The following TULP4 variants were observed in gnomAD, a reference collection of about 807,000 sequenced individuals.
The protein encoded by TULP4 is TUB like protein 4.
TULP4 carries 16 observed loss-of-function variants against 129.0 expected under a neutral mutation model. The ratio of observed to expected loss-of-function variants is 0.12; its 90% CI spans 0.08 to 0.19. The LOEUF (loss-of-function observed/expected upper bound fraction) is 0.19, where lower values mean the gene tolerates loss of function less well. TULP4 is among the 10% of genes least tolerant of loss of function. The pLI is 1.00. For missense variants in TULP4, 1,842 were observed against 2,059.1 expected, an observed-to-expected ratio of 0.89 and a Z score of 2.04; for synonymous variants, 998 against 854.0, an observed-to-expected ratio of 1.17 and a Z score of -2.94.
At chr6:158,498,933 C>A in intron 12 of TULP4, 121 bp downstream of exon 12, 1 of 1,232,112 alleles carries the variant, frequency 8.1e-7, no homozygotes. Context: ...AAAGGTATCC[C>A]TGCCTCAGTA....
intron 1 of TULP4, among the ~76,000 whole-genome samples, chr6:158,258,833 C>T (rs1778297087): frequency 6.6e-6 from 1 of 151,920 alleles, no homozygotes; most frequent in East Asian, 1.9e-4. Flanking sequence ...AGCTTATTTT[C>T]ACGTCAGCAT....
At chr6:158,398,540 C>T (rs1329094203) in intron 1 of TULP4, 2 of 152,278 alleles carry the variant, frequency 1.3e-5, no homozygotes, top group Non-Finnish European at 2.9e-5. Flanking sequence ...AGGCCTCCAC[C>T]TCACGATGAA....
intron 1 of TULP4, among the ~76,000 whole-genome samples, chr6:158,253,504 G>A (rs896766161): frequency 3.9e-5 from 6 of 152,134 alleles, no homozygotes; most frequent in Admixed American, 3.9e-4. Context: ...TGTCAGGTGG[G>A]CTACCTGGTC....
chr6:158,463,689 T>A (rs1779494799), intron 6 of TULP4, among the ~76,000 whole-genome samples: 1 of 127,008 alleles, frequency 7.9e-6, no homozygotes, highest in African/African-American at 3.4e-5. Context: ...ATAAATGGAA[T>A]AGACTTCATT....
rs1228502046 is a variant in TULP4, at chr6:158,313,939, T to C, written c.-78T>C. The C allele has an allele frequency of 1.3e-6, 2 of 1,541,188 alleles. No individual in the cohort carries two copies. The highest frequency in any genetic ancestry group is 1.8e-6 in the Non-Finnish European group (2 of 1,141,566). Reference sequence around the variant, plus strand: ...AACGCAAGCCAACCACAAAAACACATATACCAATGAAAGAAATTGGTTTAA... The same window carrying C: ...AACGCAAGCCAACCACAAAAACACACATACCAATGAAAGAAATTGGTTTAA... On this transcript the variant is annotated 5_prime_UTR_variant, in exon 1 of 14. Coordinates refer to ENST00000367097, the MANE Select transcript of TULP4 (RefSeq NM_020245.5).
intron 6 of TULP4, among the ~76,000 whole-genome samples, chr6:158,472,695 C>G (rs1779717842): frequency 6.6e-6 from 1 of 152,086 alleles, no homozygotes; most frequent in Non-Finnish European, 1.5e-5. Context: ...AATGTATTTC[C>G]AAGTTAATTA....
At position 158,511,190 on chromosome 6, in the gene TULP4, G is replaced by T. The variant is rs1780732637; in HGVS notation, c.*4496G>T. 6.6e-6 allele frequency: 1 copy of T among 152,460 alleles called. No individual in the cohort carries two copies. Among genetic ancestry groups the T allele is most frequent in the South Asian group, 2.1e-4 (1 of 4,828 alleles). 9.4% of individuals were successfully genotyped at this position (152,460 alleles called of 1,614,324 possible). On this transcript the variant is annotated 3_prime_UTR_variant, in exon 14 of 14. Coordinates refer to ENST00000367097, the MANE Select transcript of TULP4 (RefSeq NM_020245.5). ...AGTTCTTTTTAAGGGGAGGGGTAGGGTTCTAAGATCTTGTTGTTTATTGTA... is the reference window on the plus strand; with the variant it reads ...AGTTCTTTTTAAGGGGAGGGGTAGGTTTCTAAGATCTTGTTGTTTATTGTA...
intron 1 of TULP4, among the ~76,000 whole-genome samples, chr6:158,232,623 G>GGT (rs1440835382): frequency 2.0e-5 from 3 of 152,226 alleles, no homozygotes; most frequent in African/African-American, 2.4e-5. Flanking sequence ...TGGTGCGTGT[G>GGT]GTGTGTGTGT....
chr6:158,270,543 C>T (rs562256692), intron 1 of TULP4, among the ~76,000 whole-genome samples: 1 of 152,324 alleles, frequency 6.6e-6, no homozygotes, highest in Non-Finnish European at 1.5e-5. Context: ...CTAAGTGTCT[C>T]TGGTACCGGG....
At chr6:158,344,440 T>G (rs527284768) in intron 1 of TULP4, among the ~76,000 whole-genome samples, 1 of 152,224 alleles carries the variant, frequency 6.6e-6, no homozygotes, top group African/African-American at 2.4e-5. Flanking sequence ...AGCAAGTCTT[T>G]CGGTGCCATG....
chr6:158,427,091 A>T (rs1383548716), intron 2 of TULP4, among the ~76,000 whole-genome samples: 1 of 152,194 alleles, frequency 6.6e-6, no homozygotes, highest in East Asian at 1.9e-4. Flanking sequence ...ACTTTGCTGA[A>T]TAGCAATTTG....
intron 1 of TULP4, among the ~76,000 whole-genome samples, chr6:158,239,578 G>C (rs1390451008): frequency 1.8e-5 from 1 of 56,008 alleles, no homozygotes; most frequent in African/African-American, 6.0e-5. Context: ...GCGGCTGGCC[G>C]GGCAGGGGGG....
intron 1 of TULP4, among the ~76,000 whole-genome samples, chr6:158,391,212 G>A (rs1583827382): frequency 6.6e-6 from 1 of 152,118 alleles, no homozygotes; most frequent in South Asian, 2.1e-4. Context: ...TAAGGGATGG[G>A]TGTTATTTAT....
intron 5 of TULP4, among the ~76,000 whole-genome samples, chr6:158,457,933 A>T (rs543669068): frequency 1.1e-3 from 172 of 151,426 alleles, no homozygotes; most frequent in African/African-American, 3.6e-3. Context: ...AGGAAAAAAA[A>T]ATGTACCTGT....
intron 1 of TULP4, among the ~76,000 whole-genome samples, chr6:158,334,668 C>T (rs1418480803): frequency 3.9e-5 from 6 of 152,294 alleles, no homozygotes; most frequent in Non-Finnish European, 8.8e-5. Flanking sequence ...TGATTACCCT[C>T]TACTCCCCTT....
chr6:158,321,995 A>C (rs1779649414), intron 1 of TULP4, among the ~76,000 whole-genome samples: 2 of 152,214 alleles, frequency 1.3e-5, no homozygotes, highest in African/African-American at 4.8e-5. Flanking sequence ...CCTCTCCTGA[A>C]GAAGGCCCAG....
At chr6:158,453,521 T>G in intron 5 of TULP4, among the ~76,000 whole-genome samples, 1 of 118,364 alleles carries the variant, frequency 8.4e-6, no homozygotes, top group Admixed American at 9.1e-5. Context: ...CCGGGCACGG[T>G]AGCTCACGCC....
chr6:158,278,185 G>A (rs1480968122), upstream of TULP4, among the ~76,000 whole-genome samples: 2 of 152,208 alleles, frequency 1.3e-5, no homozygotes, highest in African/African-American at 4.8e-5. Flanking sequence ...ATTAGATGAA[G>A]TATTGGGGAA....
chr6:158,308,670 G>A (rs1180912725), upstream of TULP4, among the ~76,000 whole-genome samples: 20 of 148,168 alleles, frequency 1.3e-4, no homozygotes, highest in Non-Finnish European at 2.4e-4. Flanking sequence ...GCGGCTGGCC[G>A]GGCAGAGGGG....
Sources: gnomAD v4.1 joint callset for allele counts (sites outside exome capture counted in the v4.1 genomes callset) on GRCh38, gnomAD v4.1.1 for gene constraint, MANE v1.5 for transcripts, NCBI Gene and HGNC (gene_info 2026-07-23, HGNC 2026-07-21) for gene names.